Variants in ARHGAP21 observed in about 807,000 individuals in gnomAD.
ARHGAP21 encodes the protein rho GTPase-activating protein 21.
Under a neutral mutation model 164.6 loss-of-function variants are expected in ARHGAP21, and 38 were observed. The ratio of observed to expected loss-of-function variants is 0.23; its 90% CI spans 0.18 to 0.30. The LOEUF (loss-of-function observed/expected upper bound fraction) is 0.30, where lower values mean the gene tolerates loss of function less well. Among genes scored for constraint, ARHGAP21 ranks in the 10% least tolerant of loss-of-function variants. ARHGAP21 has a pLI of 1.00. For synonymous variants in ARHGAP21, 766 were observed against 857.9 expected (o/e 0.89, Z 1.87); for missense variants, 1,822 against 2,370.7 (o/e 0.77, Z 4.81).
chr10:24,696,313 G>A (rs1843171627), intron 2 of ARHGAP21, among the ~76,000 whole-genome samples: 1 of 152,176 alleles, frequency 6.6e-6, no homozygotes, highest in Admixed American at 6.5e-5. Context: ...AGAAAGCTCT[G>A]AGAATCTGCA....
At chr10:24,703,546 C>T (rs1346743535) in intron 2 of ARHGAP21, among the ~76,000 whole-genome samples, 1 of 152,154 alleles carries the variant, frequency 6.6e-6, no homozygotes, top group African/African-American at 2.4e-5. Context: ...GGGCACTAAA[C>T]TCTGCACTTT....
At chr10:24,706,384 T>A (rs1844228208) in intron 2 of ARHGAP21, 2 of 152,250 alleles carry the variant, frequency 1.3e-5, no homozygotes, top group African/African-American at 4.8e-5. Context: ...AAAAAAAAAT[T>A]CTAAAAGATT....
rs561187155 is a variant in ARHGAP21 at position 24,676,490 on chromosome 10, C to T, written c.64-6093G>A. Among the ~76,000 whole-genome samples the T allele has an allele frequency of 7.2e-5, 11 of 152,184 alleles. No individual in the cohort carries two copies. The South Asian group carries it at 2.3e-3, about 32-fold the overall frequency. ...ATAAGTGGGAGTTAAACAATGGGTA[C>T]ACATGGACATACAGAGGGGAAAAAT... is the stretch of plus-strand genomic sequence containing the variant. On this transcript the variant is annotated intron_variant, in intron 2 of 25. Coordinates refer to ENST00000396432, the MANE Select transcript of ARHGAP21 (RefSeq NM_020824.4).
At chr10:24,636,426 G>C (rs1249443220) in intron 4 of ARHGAP21, among the ~76,000 whole-genome samples, 1 of 152,202 alleles carries the variant, frequency 6.6e-6, no homozygotes, top group Non-Finnish European at 1.5e-5. Context: ...GCACACTTAA[G>C]TTTGAGAATC....
At chr10:24,588,192 C>G (rs2076183627) in intron 25 of ARHGAP21, among the ~76,000 whole-genome samples, 1 of 152,198 alleles carries the variant, frequency 6.6e-6, no homozygotes, top group Non-Finnish European at 1.5e-5. Flanking sequence ...GTTGTACTTA[C>G]CTCAGTTTCC....
intron 21 of ARHGAP21, among the ~76,000 whole-genome samples, chr10:24,594,466 C>CCTGT (rs2076486045): frequency 6.6e-6 from 1 of 151,878 alleles, no homozygotes; most frequent in Non-Finnish European, 1.5e-5. Flanking sequence ...ATGGTGAGAC[C>CCTGT]CTGTCTCTAA....
intron 9 of ARHGAP21, among the ~76,000 whole-genome samples, chr10:24,614,263 G>C (rs1365665770): frequency 6.6e-6 from 1 of 152,160 alleles, no homozygotes; most frequent in African/African-American, 2.4e-5. Flanking sequence ...AAATAAAGAA[G>C]TTGGACTTGG....
Position 24,597,974 on chromosome 10 carries a change from T to C in ARHGAP21, c.3168A>G (p.Arg1056=). The C allele has an allele frequency of 6.2e-7, 1 of 1,613,554 alleles. No homozygotes were observed. Among genetic ancestry groups the C allele is most frequent in the East Asian group, 2.2e-5 (1 of 44,866 alleles). ...TCAGATTGTTGTATTCTTTTATTCTTCGACTAATTAGATCCCTGTTAGTGA... is the reference window on the plus strand; with the variant it reads ...TCAGATTGTTGTATTCTTTTATTCTCCGACTAATTAGATCCCTGTTAGTGA... ...TGVTNRDLIS[R]RIKEYNNLMS... The change falls in exon 15 of 26, where the codon CGA becomes CGG. Residue 1056 remains arginine (R), a synonymous_variant. Transcript: ENST00000396432.
chr10:24,650,483 A>G (rs1295726664), intron 4 of ARHGAP21, among the ~76,000 whole-genome samples: 1 of 152,244 alleles, frequency 6.6e-6, no homozygotes, highest in Non-Finnish European at 1.5e-5. Flanking sequence ...ATGTGCTTGC[A>G]TATTGTTTCT....
Position 24,619,712 on chromosome 10 carries a change from G to C in ARHGAP21, c.2183C>G (p.Thr728Ser), listed in dbSNP as rs1418401049. The change falls in exon 9 of 26, where the codon ACT becomes AGT. Residue 728 changes from threonine (T) to serine (S), a missense_variant. Physicochemically the swap from Thr to Ser is moderately conservative, Grantham distance 58. Around this residue, in one of 5 missense-constraint regions of ARHGAP21, gnomAD observed 1,090 missense variants for 1,378.9 expected, o/e 0.79. Coordinates refer to ENST00000396432, the MANE Select transcript of ARHGAP21 (RefSeq NM_020824.4). Reference sequence around the variant, plus strand: ...GATGACAGCTTCTTTATTATCTAAAGTATCTGATTGCTCAGTTTCAGCCTC... The same window carrying C: ...GATGACAGCTTCTTTATTATCTAAACTATCTGATTGCTCAGTTTCAGCCTC... ...LQEAETEQSD[T>S]LDNKEAVILR... 2.5e-6 allele frequency: 4 copies of C among 1,614,184 alleles called. No individual in the cohort carries two copies. The highest frequency in any genetic ancestry group is 3.4e-6 in the Non-Finnish European group (4 of 1,180,032).
chr10:24,719,126 C>A (rs1413071819), intron 2 of ARHGAP21, among the ~76,000 whole-genome samples: 1 of 151,652 alleles, frequency 6.6e-6, no homozygotes, highest in Non-Finnish European at 1.5e-5. Context: ...CACACACACA[C>A]ACACCCCAAA....
intron 2 of ARHGAP21, among the ~76,000 whole-genome samples, chr10:24,702,206 C>T (rs1196701907): frequency 1.4e-5 from 2 of 148,090 alleles, no homozygotes; most frequent in African/African-American, 2.5e-5. Context: ...TCTCGGCTCA[C>T]TGCAAGTTCC....
chr10:24,610,103 C>G (rs1396474305), intron 9 of ARHGAP21, among the ~76,000 whole-genome samples: 3 of 152,172 alleles, frequency 2.0e-5, no homozygotes. Flanking sequence ...CTTGGACAGG[C>G]GTGGTGCCCA....
rs767952724 is a variant in ARHGAP21 at position 24,620,837 on chromosome 10, C to T, written c.1058G>A (p.Gly353Glu). 4.3e-6 allele frequency: 7 copies of T among 1,613,948 alleles called. No individual in the cohort carries two copies. In the African/African-American group the frequency reaches 8.0e-5, roughly 18 times the overall value. ...GILLKSGNYS[G>E]HSDGISSSRS... ...GCTGCTTGAGATTCCATCAGAATGTCCACTGTAATTTCCAGACTTAAGTAA... is the reference window on the plus strand; with the variant it reads ...GCTGCTTGAGATTCCATCAGAATGTTCACTGTAATTTCCAGACTTAAGTAA... The change falls in exon 9 of 26, where the codon GGA becomes GAA. Residue 353 changes from glycine (G) to glutamate (E), a missense_variant. Transcript: ENST00000396432.
At chr10:24,659,321 C>CT (rs1491011455) in intron 4 of ARHGAP21, among the ~76,000 whole-genome samples, 1 of 150,146 alleles carries the variant, frequency 6.7e-6, no homozygotes, top group East Asian at 1.9e-4. Context: ...ACAGAATCCT[C>CT]TTTCTTTTTT....
chr10:24,615,774 ATTTTATTTTATTT>A (rs926344405), intron 9 of ARHGAP21, among the ~76,000 whole-genome samples: 7 of 47,284 alleles, frequency 1.5e-4, no homozygotes, highest in African/African-American at 3.6e-4. Flanking sequence ...TTATTTTATT[ATTTTATTTTATTT>A]TTTGAGTGGA....
chr10:24,698,245 A>T (rs995746819), intron 2 of ARHGAP21, among the ~76,000 whole-genome samples: 4 of 152,170 alleles, frequency 2.6e-5, no homozygotes, highest in Non-Finnish European at 5.9e-5. Context: ...ATGTAAAAAC[A>T]TATCCTGCTT....
At chr10:24,672,278 C>T (rs961789080) in intron 2 of ARHGAP21, among the ~76,000 whole-genome samples, 37 of 152,022 alleles carry the variant, frequency 2.4e-4, no homozygotes, top group Non-Finnish European at 1.3e-4. Flanking sequence ...TTATGTGCAC[C>T]TTATTGGCAC....
intron 4 of ARHGAP21, among the ~76,000 whole-genome samples, chr10:24,637,563 A>G (rs1034782403): frequency 6.6e-6 from 1 of 152,236 alleles, no homozygotes; most frequent in African/African-American, 2.4e-5. Context: ...ATGACCATTA[A>G]TGAATTCTAC....
Sources: allele counts gnomAD v4.1 joint callset (sites outside exome capture counted in the v4.1 genomes callset), GRCh38; gene constraint gnomAD v4.1.1; regional missense constraint gnomAD v4.1.1; transcripts MANE v1.5; gene names NCBI Gene and HGNC (gene_info 2026-07-23, HGNC 2026-07-21).